Variants in LARGE1 observed in about 807,000 individuals in gnomAD.
LARGE1 encodes the protein xylosyl- and glucuronyltransferase LARGE1.
LARGE1 carries 43 observed loss-of-function variants against 87.6 expected under a neutral mutation model. That is an observed-to-expected ratio of 0.49 (90% confidence interval 0.38 to 0.63). The LOEUF (loss-of-function observed/expected upper bound fraction) is 0.63, where lower values mean the gene tolerates loss of function less well. Among genes scored for constraint, LARGE1 ranks in the 30% least tolerant of loss-of-function variants. The probability of loss-of-function intolerance (pLI) is 0.00; values close to 1 mark genes in which losing one functional copy is unlikely to be tolerated. For synonymous variants in LARGE1, 434 were observed against 394.6 expected (o/e 1.10, Z -1.18); for missense variants, 802 against 1,000.2 (o/e 0.80, Z 2.67).
chr22:33,919,813 C>T (rs2065892356), intron 1 of LARGE1, among the ~76,000 whole-genome samples, 182 bp downstream of exon 1: 1 of 152,188 alleles, frequency 6.6e-6, no homozygotes, highest in South Asian at 2.1e-4. Flanking sequence ...CTGGGGACTT[C>T]GGAGACTGGG....
chr22:33,505,799 C>G (rs1453219018), intron 6 of LARGE1, among the ~76,000 whole-genome samples: 1 of 152,192 alleles, frequency 6.6e-6, no homozygotes, highest in Non-Finnish European at 1.5e-5. Context: ...GGAATCATCT[C>G]TTGATTCCTG....
intron 7 of LARGE1, among the ~76,000 whole-genome samples, chr22:33,406,564 T>C (rs545008768): frequency 6.6e-6 from 1 of 152,196 alleles, no homozygotes; most frequent in South Asian, 2.1e-4. Context: ...TGCAGAGGTA[T>C]CTAGCACACT....
At chr22:33,268,738 A>G (rs1928091683), downstream of LARGE1, among the ~76,000 whole-genome samples, 1 of 152,086 alleles carries the variant, frequency 6.6e-6, no homozygotes, top group Non-Finnish European at 1.5e-5. Context: ...AGTTGTTATA[A>G]AACTTTTAAG....
chr22:33,846,543 G>C (rs527465071), intron 1 of LARGE1, among the ~76,000 whole-genome samples: 1 of 152,344 alleles, frequency 6.6e-6, no homozygotes, highest in South Asian at 2.1e-4. Context: ...CAGGGAATAA[G>C]AGAGATAACC....
intron 6 of LARGE1, among the ~76,000 whole-genome samples, chr22:33,540,054 C>T (rs535032863): frequency 2.6e-5 from 4 of 152,140 alleles, no homozygotes; most frequent in Non-Finnish European, 5.9e-5. Flanking sequence ...GTCCCTTTTA[C>T]CCTGTGGAGG....
intron 7 of LARGE1, among the ~76,000 whole-genome samples, chr22:33,420,263 A>G (rs2066644677): frequency 6.6e-6 from 1 of 152,184 alleles, no homozygotes; most frequent in East Asian, 1.9e-4. Context: ...GATTCCAGGT[A>G]TGGGGGATAA....
chr22:33,116,447 C>T, the LARGE1 span, among the ~76,000 whole-genome samples: 5 of 152,112 alleles, frequency 3.3e-5, no homozygotes, highest in African/African-American at 7.2e-5. Context: ...CTCCGCCTCC[C>T]GGGTTCACGC....
the LARGE1 span, among the ~76,000 whole-genome samples, chr22:33,093,733 T>G: frequency 7.2e-5 from 11 of 152,034 alleles, no homozygotes; most frequent in East Asian, 1.9e-4. Flanking sequence ...CAGAGTAAAA[T>G]TCTATTCTGC....
At chr22:33,719,726 T>C (rs1324719974) in intron 2 of LARGE1, among the ~76,000 whole-genome samples, 1 of 152,098 alleles carries the variant, frequency 6.6e-6, no homozygotes. Flanking sequence ...TTCACCATAT[T>C]AGCCAGGATG....
At chr22:33,258,451 G>A (rs764255336) in intron 11 of LARGE1, among the ~76,000 whole-genome samples, 23 of 152,178 alleles carry the variant, frequency 1.5e-4, no homozygotes, top group East Asian at 5.8e-4. Flanking sequence ...TGTTAGATGC[G>A]GAGAAATGGA....
intron 1 of LARGE1, among the ~76,000 whole-genome samples, chr22:33,794,012 A>ATT (rs141725625): frequency 0.072 from 11,027 of 152,162 alleles, 509 homozygotes; most frequent in Admixed American, 0.11. Flanking sequence ...GGGAAAATAA[A>ATT]GTTTATTAAT....
chr22:33,511,491 T>C (rs1167630058), intron 6 of LARGE1, among the ~76,000 whole-genome samples: 1 of 152,148 alleles, frequency 6.6e-6, no homozygotes, highest in Non-Finnish European at 1.5e-5. Flanking sequence ...AAATATTCCA[T>C]GGATTTTAGG....
intron 2 of LARGE1, among the ~76,000 whole-genome samples, chr22:33,729,986 G>A (rs764330035): frequency 8.6e-5 from 13 of 151,832 alleles, no homozygotes; most frequent in Non-Finnish European, 1.9e-4. Flanking sequence ...GTGTGCATGC[G>A]TGTGTGTGTG....
intron 1 of LARGE1, among the ~76,000 whole-genome samples, chr22:33,774,577 C>T (rs562418857): frequency 0.1 from 15,287 of 152,078 alleles, 903 homozygotes; most frequent in South Asian, 0.25. Context: ...AGGCTGGTCT[C>T]GAACTCCTGA....
rs543066673 is a variant in LARGE1 at position 33,876,250 on chromosome 22, T to C, written c.-83+43745A>G. On this transcript the variant is annotated intron_variant, in intron 1 of 14. Coordinates refer to ENST00000397394, the MANE Select transcript of LARGE1 (RefSeq NM_133642.5). ...AGGACTGAAACTAACTGGACCCCCA[T>C]ACTGGTCCCCATGATAACTCCAACC... Among the ~76,000 whole-genome samples, 35 of 152,122 alleles carry C rather than the reference T, an allele frequency of 2.3e-4. 1 individual carries two copies. The highest frequency in any genetic ancestry group is 8.2e-4 in the African/African-American group (34 of 41,502).
At chr22:33,611,181 C>G (rs1221221380) in intron 4 of LARGE1, among the ~76,000 whole-genome samples, 1 of 152,216 alleles carries the variant, frequency 6.6e-6, no homozygotes, top group Admixed American at 6.5e-5. Context: ...CACTGCCTAG[C>G]AGAGCTGTGG....
chr22:33,283,672 G>C (rs549362631), intron 12 of LARGE1, among the ~76,000 whole-genome samples: 1 of 152,026 alleles, frequency 6.6e-6, no homozygotes, highest in Non-Finnish European at 1.5e-5. Flanking sequence ...AGCTACTTGG[G>C]GGACTGAGGC....
At chr22:33,423,030 T>C (rs1463704031) in intron 7 of LARGE1, among the ~76,000 whole-genome samples, 1 of 151,964 alleles carries the variant, frequency 6.6e-6, no homozygotes, top group Non-Finnish European at 1.5e-5. Context: ...TTGCATGGTT[T>C]GAATAGTCAC....
chr22:33,452,557 C>T (rs2067973783), intron 6 of LARGE1, among the ~76,000 whole-genome samples: 2 of 152,136 alleles, frequency 1.3e-5, no homozygotes, highest in Admixed American at 6.5e-5. Context: ...AGTTTAGTAG[C>T]GAGTGGCAGG....
Sources: gnomAD v4.1 joint callset for allele counts (sites outside exome capture counted in the v4.1 genomes callset) on GRCh38, gnomAD v4.1.1 for gene constraint, MANE v1.5 for transcripts, NCBI Gene and HGNC (gene_info 2026-07-23, HGNC 2026-07-21) for gene names.